The following ME3 variants were observed in gnomAD, a reference collection of about 807,000 sequenced individuals.
ME3 encodes NADP-dependent malic enzyme, mitochondrial.
A neutral mutation model predicts 68.9 loss-of-function variants in ME3; 48 were observed. That is an observed-to-expected ratio of 0.70 (90% CI 0.55 to 0.89). The LOEUF is 0.89. Ranked by LOEUF, ME3 falls within the 40% of genes least tolerant of loss-of-function variation. The pLI is 0.00. For missense variants in ME3, 675 were observed against 797.4 expected, an observed-to-expected ratio of 0.85 and a Z score of 1.85; for synonymous variants, 320 against 318.8, an observed-to-expected ratio of 1.00 and a Z score of -0.04.
intron 2 of ME3, among the ~76,000 whole-genome samples, chr11:86,577,649 T>C (rs1370236022): frequency 6.6e-6 from 1 of 152,206 alleles, no homozygotes; most frequent in Non-Finnish European, 1.5e-5. Context: ...TTTTAAAAAA[T>C]GAGCTCATTT....
intron 7 of ME3, 77 bp from the exon 8 acceptor site, chr11:86,465,277 G>C: frequency 8.9e-7 from 1 of 1,120,690 alleles, no homozygotes; most frequent in Non-Finnish European, 1.4e-6. Context: ...TTGCACAGTG[G>C]GGTGGGGAGG....
At chr11:86,441,328 A>G in exon 15 of ME3, 1 of 1,612,150 alleles carries the variant, frequency 6.2e-7, no homozygotes, top group South Asian at 1.1e-5. Flanking sequence ...GTAGCTGTCC[A>G]GTGTAAAGGA....
At chr11:86,533,052 C>CA (rs112609101) in intron 4 of ME3, among the ~76,000 whole-genome samples, 10,808 of 131,348 alleles carry the variant, frequency 0.082, 418 homozygotes, top group Middle Eastern at 0.1. Context: ...ATGGGGTCTC[C>CA]AAAAAAAAAA....
At chr11:86,636,209 CCT>C (rs1162659724) in intron 2 of ME3, among the ~76,000 whole-genome samples, 2 of 151,564 alleles carry the variant, frequency 1.3e-5, no homozygotes, top group African/African-American at 4.8e-5. Flanking sequence ...TGGGTTAAAT[CCT>C]CTGTGAGAGC....
chr11:86,638,015 C>T (rs1944453191), intron 2 of ME3, among the ~76,000 whole-genome samples: 1 of 145,690 alleles, frequency 6.9e-6, no homozygotes, highest in Admixed American at 6.8e-5. Context: ...CATAAGGAAG[C>T]AGGTTCTGTC....
At chr11:86,607,929 G>T (rs1942272052) in intron 2 of ME3, among the ~76,000 whole-genome samples, 2 of 152,070 alleles carry the variant, frequency 1.3e-5, no homozygotes, top group Non-Finnish European at 2.9e-5. Context: ...TTTCTGGCAT[G>T]TTGGGACACA....
At chr11:86,544,707 A>T (rs1012181578) in intron 4 of ME3, among the ~76,000 whole-genome samples, 2 of 152,212 alleles carry the variant, frequency 1.3e-5, no homozygotes, top group African/African-American at 4.8e-5. Flanking sequence ...AGACGGATTC[A>T]TAGCCGAATT....
At chr11:86,517,152 C>A (rs1953952929) in intron 4 of ME3, among the ~76,000 whole-genome samples, 2 of 152,180 alleles carry the variant, frequency 1.3e-5, no homozygotes, top group Admixed American at 1.3e-4. Context: ...AAGCACAAGG[C>A]AGGCTGCCCT....
intron 4 of ME3, among the ~76,000 whole-genome samples, chr11:86,517,611 T>C (rs900540514): frequency 6.6e-6 from 1 of 152,140 alleles, no homozygotes; most frequent in Non-Finnish European, 1.5e-5. Context: ...CTGCTTTTCA[T>C]CTCAGCATCC....
At chr11:86,563,086 T>A (rs1462496913) in intron 2 of ME3, among the ~76,000 whole-genome samples, 1 of 152,148 alleles carries the variant, frequency 6.6e-6, no homozygotes, top group Non-Finnish European at 1.5e-5. Context: ...GGCACCTGAG[T>A]TGATCCCATG....
intron 8 of ME3, among the ~76,000 whole-genome samples, chr11:86,461,159 T>A (rs1950206826): frequency 6.6e-6 from 1 of 152,230 alleles, no homozygotes; most frequent in Non-Finnish European, 1.5e-5. Flanking sequence ...GGCAGCCTGA[T>A]GCCATGGAGA....
At chr11:86,532,966 C>G (rs1245283382) in intron 4 of ME3, among the ~76,000 whole-genome samples, 1 of 151,836 alleles carries the variant, frequency 6.6e-6, no homozygotes, top group East Asian at 1.9e-4. Context: ...GTGGGAGAAT[C>G]GTTTGAACCC....
chr11:86,557,652 T>C (rs1957000162), intron 3 of ME3, among the ~76,000 whole-genome samples: 1 of 152,106 alleles, frequency 6.6e-6, no homozygotes, highest in African/African-American at 2.4e-5. Flanking sequence ...AAGGAATTAC[T>C]CCTTTGGTGG....
intron 4 of ME3, among the ~76,000 whole-genome samples, chr11:86,521,073 C>T (rs1169298167): frequency 6.6e-6 from 1 of 152,136 alleles, no homozygotes; most frequent in Non-Finnish European, 1.5e-5. Context: ...TTAACTCCAC[C>T]GAATCTCCAT....
chr11:86,523,356 C>T (rs985273765), intron 4 of ME3, among the ~76,000 whole-genome samples: 5 of 152,122 alleles, frequency 3.3e-5, no homozygotes, highest in Admixed American at 1.3e-4. Flanking sequence ...GGTAAGTTGG[C>T]AAAGTAGTAA....
chr11:86,647,570 C>T (rs1255683246), intron 2 of ME3, among the ~76,000 whole-genome samples: 2 of 150,484 alleles, frequency 1.3e-5, no homozygotes, highest in Admixed American at 1.3e-4. Context: ...ATTTACCAAG[C>T]AAATGGAAAA....
At chr11:86,496,727 A>T (rs1952360165) in intron 6 of ME3, among the ~76,000 whole-genome samples, 1 of 152,216 alleles carries the variant, frequency 6.6e-6, no homozygotes, top group Non-Finnish European at 1.5e-5. Flanking sequence ...GGGTTTTCTT[A>T]TGTAAATTAT....
At chr11:86,603,999 G>T (rs764398768) in intron 2 of ME3, among the ~76,000 whole-genome samples, 41 of 150,800 alleles carry the variant, frequency 2.7e-4, no homozygotes, top group Non-Finnish European at 5.0e-4. Flanking sequence ...AATGCTAAAT[G>T]ATGAGTTAAT....
intron 2 of ME3, among the ~76,000 whole-genome samples, chr11:86,561,456 G>A (rs1016055106): frequency 2.0e-5 from 3 of 152,142 alleles, no homozygotes; most frequent in African/African-American, 7.2e-5. Flanking sequence ...TATTAAGACT[G>A]GAGTATAACC....
Sources: allele counts gnomAD v4.1 joint callset (sites outside exome capture counted in the v4.1 genomes callset), GRCh38; gene constraint gnomAD v4.1.1; transcripts MANE v1.5; gene names NCBI Gene and HGNC (gene_info 2026-07-23, HGNC 2026-07-21).